The following CHRM2 variants were observed in gnomAD, a reference collection of about 807,000 sequenced individuals.
CHRM2 encodes the protein cholinergic receptor muscarinic 2, also known as muscarinic acetylcholine receptor M2.
A neutral mutation model predicts 25.0 loss-of-function variants in CHRM2; 8 were observed. The observed-to-expected ratio is 0.32, with a 90% CI of 0.19 to 0.58. The LOEUF (loss-of-function observed/expected upper bound fraction) is 0.58, where lower values mean the gene tolerates loss of function less well. Ranked by LOEUF, CHRM2 falls within the 20% of genes least tolerant of loss-of-function variation. CHRM2 has a pLI of 0.88. For synonymous variants in CHRM2, 202 were observed against 205.7 expected, an observed-to-expected ratio of 0.98 and a Z score of 0.15; for missense variants, 440 against 567.1, an observed-to-expected ratio of 0.78 and a Z score of 2.28.
chr7:136,969,967 C>T (rs1287911638), intron 2 of CHRM2, among the ~76,000 whole-genome samples: 1 of 152,146 alleles, frequency 6.6e-6, no homozygotes, highest in Non-Finnish European at 1.5e-5. Context: ...CTGGTGAGGG[C>T]TCGTCCTGGC....
At chr7:136,894,766 C>T (rs1332252709) in intron 2 of CHRM2, among the ~76,000 whole-genome samples, 3 of 152,222 alleles carry the variant, frequency 2.0e-5, no homozygotes, top group South Asian at 4.1e-4. Context: ...AATATGTATA[C>T]TATTAAATTT....
chr7:136,964,036 C>G (rs1037349776), intron 2 of CHRM2, among the ~76,000 whole-genome samples: 2 of 152,148 alleles, frequency 1.3e-5, no homozygotes, highest in African/African-American at 4.8e-5. Context: ...ATTTGCAGAA[C>G]ATTCCTGTTT....
intron 3 of CHRM2, among the ~76,000 whole-genome samples, chr7:137,001,829 C>T (rs1452587442): frequency 6.6e-6 from 1 of 152,140 alleles, no homozygotes; most frequent in Middle Eastern, 3.4e-3. Flanking sequence ...TAGTAGTCAC[C>T]GTATCATAAA....
intron 2 of CHRM2, chr7:136,899,219 T>C (rs1797066595): frequency 6.6e-6 from 1 of 152,112 alleles, no homozygotes; most frequent in Non-Finnish European, 1.5e-5. Context: ...AGTGTTCTTG[T>C]AGATATGTTG....
At chr7:136,921,910 T>G (rs1798469561) in intron 2 of CHRM2, among the ~76,000 whole-genome samples, 1 of 151,790 alleles carries the variant, frequency 6.6e-6, no homozygotes, top group South Asian at 2.1e-4. Flanking sequence ...GTAGCTGGGA[T>G]TACAGGTGCG....
At chr7:136,899,810 C>T (rs1467867328) in intron 2 of CHRM2, 1 of 152,008 alleles carries the variant, frequency 6.6e-6, no homozygotes, top group Non-Finnish European at 1.5e-5. Context: ...TCAGGATCTT[C>T]TTCAGAGCTA....
rs36044268 is a variant in CHRM2 at position 137,016,000 on chromosome 7, C to T, written c.1135C>T (p.Pro379Ser). ...GCAGCCTGCAAAAAAGAAGCCTCCT[C>T]CTTCCCGGGAAAAGAAAGTCACCAG... The part of the protein sequence containing the change: ...TKQPAKKKPP[P>S]SREKKVTRTI... The change falls in exon 4 of 4, where the codon CCT (proline) becomes TCT (serine). Residue 379 changes from proline to serine, a missense_variant. By Grantham distance (74) the Pro-to-Ser change is moderately conservative (BLOSUM62 -1). Around this residue, in one of 5 missense-constraint regions of CHRM2, gnomAD observed 261 missense variants for 261.8 expected, o/e 1.00. Coordinates refer to ENST00000680005, the MANE Select transcript of CHRM2 (RefSeq NM_001006630.2). The surrounding 1 kb of genome is among the most constrained non-coding windows in gnomAD (Gnocchi z 5.1). 1.9e-6 allele frequency: 3 copies of T among 1,613,146 alleles called. No homozygotes were observed. Among genetic ancestry groups the T allele is most frequent in the East Asian group, 4.5e-5 (2 of 44,776 alleles).
chr7:136,914,731 G>A (rs1438253730), intron 2 of CHRM2, among the ~76,000 whole-genome samples: 3 of 151,794 alleles, frequency 2.0e-5, no homozygotes, highest in Non-Finnish European at 2.9e-5. Flanking sequence ...TATAAAATAG[G>A]GATGTTAATC....
chr7:137,000,389 G>A (rs547419156), intron 3 of CHRM2, among the ~76,000 whole-genome samples: 9 of 150,764 alleles, frequency 6.0e-5, no homozygotes, highest in South Asian at 2.1e-4. Flanking sequence ...TAGTAGAGAC[G>A]AGGTTTTGCC....
intron 2 of CHRM2, among the ~76,000 whole-genome samples, chr7:136,875,232 A>G (rs1359856975): frequency 6.6e-6 from 1 of 151,700 alleles, no homozygotes; most frequent in Admixed American, 6.6e-5. Flanking sequence ...ACACATACAC[A>G]CACGCGTGAG....
At chr7:136,954,419 C>T (rs1800597420) in intron 2 of CHRM2, among the ~76,000 whole-genome samples, 2 of 152,160 alleles carry the variant, frequency 1.3e-5, no homozygotes, top group African/African-American at 4.8e-5. Flanking sequence ...TTTCATGATT[C>T]TGTCGATTTC....
chr7:136,948,204 T>C lies in CHRM2; in HGVS notation c.-124-43983T>C, dbSNP rs1057057860. 3.9e-5 allele frequency among the ~76,000 whole-genome samples: 6 copies of C among 151,924 alleles called. 1 individual carries two copies. Among genetic ancestry groups the C allele is most frequent in the Admixed American group, 6.6e-5 (1 of 15,226 alleles). ...GACTATGGAGTAACTATCATCTAGA[T>C]AGAAATGAAAATGAGAAAATGCAGT... On this transcript the variant is annotated intron_variant, in intron 2 of 3. Transcript: ENST00000680005.
intron 2 of CHRM2, among the ~76,000 whole-genome samples, chr7:136,958,091 A>C (rs1409193427): frequency 6.6e-6 from 1 of 152,150 alleles, no homozygotes; most frequent in African/African-American, 2.4e-5. Flanking sequence ...CAAATTTTTA[A>C]TTTTCTAATG....
rs528280552 is a variant in CHRM2, at chr7:136,939,264, T to G, written c.-124-52923T>G. ...GAAATAATTACTATTTTATGTCTCC[T>G]TTCCTAGGCTTACACAGGTGTGGAG... On this transcript the variant is annotated intron_variant, in intron 2 of 3. Transcript: ENST00000680005. Among the ~76,000 whole-genome samples the G allele has an allele frequency of 1.1e-4, 17 of 152,376 alleles. No individual in the cohort carries two copies. The East Asian group carries it at 2.7e-3, about 24-fold the overall frequency.
chr7:136,953,732 GAA>G (rs5887821), intron 2 of CHRM2, among the ~76,000 whole-genome samples: 105 of 148,944 alleles, frequency 7.0e-4, no homozygotes, highest in South Asian at 3.0e-3. Context: ...AAAATTTAAT[GAA>G]AAAAAAAAAC....
chr7:136,988,231 G>GAAAGGGAAGACA (rs1326273515), intron 2 of CHRM2, among the ~76,000 whole-genome samples: 2 of 151,570 alleles, frequency 1.3e-5, no homozygotes, highest in Non-Finnish European at 2.9e-5. Context: ...GAAAAGAAAA[G>GAAAGGGAAGACA]AAAGGGAAGA....
chr7:136,995,124 A>G (rs1008010539), intron 3 of CHRM2, among the ~76,000 whole-genome samples: 2 of 152,178 alleles, frequency 1.3e-5, no homozygotes, highest in African/African-American at 4.8e-5. Flanking sequence ...TACACATTGT[A>G]TAGAAGTAGT....
At chr7:136,875,569 C>T (rs1417166497) in intron 2 of CHRM2, among the ~76,000 whole-genome samples, 1 of 152,114 alleles carries the variant, frequency 6.6e-6, no homozygotes, top group Admixed American at 6.6e-5. Context: ...TCTAACCGGT[C>T]TCCCACTCTC....
intron 2 of CHRM2, among the ~76,000 whole-genome samples, chr7:136,877,776 C>T (rs770845829): frequency 5.9e-5 from 9 of 151,996 alleles, no homozygotes; most frequent in Non-Finnish European, 8.8e-5. Flanking sequence ...CACCCTTAGT[C>T]ATGCTGATGA....
Sources: gnomAD v4.1 joint callset for allele counts (sites outside exome capture counted in the v4.1 genomes callset) on GRCh38, gnomAD v4.1.1 for gene constraint, gnomAD v4.1.1 regional missense constraint, Gnocchi (gnomAD v3.1) non-coding constraint, MANE v1.5 for transcripts, NCBI Gene and HGNC (gene_info 2026-07-23, HGNC 2026-07-21) for gene names.